Variants in STK32B observed in about 807,000 individuals in gnomAD.
STK32B encodes serine/threonine kinase 32B.
Under a neutral mutation model 52.6 loss-of-function variants are expected in STK32B, and 43 were observed. That is an observed-to-expected ratio of 0.82 (90% CI 0.64 to 1.05). The LOEUF (loss-of-function observed/expected upper bound fraction) is 1.05, where lower values mean the gene tolerates loss of function less well. Ranked by LOEUF, STK32B falls within the 50% of genes least tolerant of loss-of-function variation. The probability of loss-of-function intolerance (pLI) is 0.00; values close to 1 mark genes in which losing one functional copy is unlikely to be tolerated. For synonymous variants in STK32B, 238 were observed against 204.3 expected (o/e 1.17, Z -1.41); for missense variants, 621 against 534.6 (o/e 1.16, Z -1.59).
At chr4:5,264,676 G>A (rs376325596) in intron 3 of STK32B, among the ~76,000 whole-genome samples, 5 of 151,754 alleles carry the variant, frequency 3.3e-5, no homozygotes, top group Non-Finnish European at 5.9e-5. Flanking sequence ...AGTCCCAGCT[G>A]CTCGGGAGGC....
At chr4:5,151,901 G>C (rs975582175) in intron 2 of STK32B, among the ~76,000 whole-genome samples, 42 of 152,204 alleles carry the variant, frequency 2.8e-4, no homozygotes, top group African/African-American at 9.6e-4. Context: ...CCTTCCCCTT[G>C]GAGAACACCG....
intron 3 of STK32B, among the ~76,000 whole-genome samples, chr4:5,250,761 C>G (rs1016747010): frequency 1.3e-5 from 2 of 152,166 alleles, no homozygotes; most frequent in East Asian, 3.8e-4. Context: ...GCCATTCTGA[C>G]TGGTGTGAGA....
At chr4:5,212,668 A>G (rs1722973157) in intron 3 of STK32B, among the ~76,000 whole-genome samples, 1 of 152,228 alleles carries the variant, frequency 6.6e-6, no homozygotes, top group Middle Eastern at 3.2e-3. Context: ...CACATTTGTC[A>G]TCGTCCCTTA....
the STK32B span, among the ~76,000 whole-genome samples, chr4:5,041,405 C>T: frequency 1.1e-4 from 17 of 152,210 alleles, no homozygotes; most frequent in African/African-American, 3.4e-4. Context: ...AGCCTTCCTT[C>T]TGACCCAGCC....
intron 11 of STK32B, among the ~76,000 whole-genome samples, chr4:5,486,845 G>A (rs1175823870): frequency 1.3e-5 from 2 of 152,206 alleles, no homozygotes; most frequent in Non-Finnish European, 2.9e-5. Flanking sequence ...CAAAGAGAAG[G>A]TTAGAGGTTT....
intron 2 of STK32B, among the ~76,000 whole-genome samples, chr4:5,164,656 G>T (rs1718731503): frequency 6.6e-6 from 1 of 152,156 alleles, no homozygotes; most frequent in African/African-American, 2.4e-5. Context: ...GCTTTACACT[G>T]TATTATCACA....
At chr4:5,121,891 G>A (rs1715043948) in intron 1 of STK32B, among the ~76,000 whole-genome samples, 1 of 152,196 alleles carries the variant, frequency 6.6e-6, no homozygotes, top group African/African-American at 2.4e-5. Flanking sequence ...AGCCACAAGT[G>A]AGGGGCCAGA....
intron 1 of STK32B, among the ~76,000 whole-genome samples, chr4:5,139,225 T>C (rs1000291084): frequency 6.6e-6 from 1 of 152,026 alleles, no homozygotes; most frequent in Non-Finnish European, 1.5e-5. Flanking sequence ...GAGTCCCAGG[T>C]TTTGCACATA....
At chr4:5,331,584 T>TCCTATA (rs1375339533) in intron 4 of STK32B, among the ~76,000 whole-genome samples, 191 bp downstream of exon 4, 3 of 152,170 alleles carry the variant, frequency 2.0e-5, no homozygotes, top group Non-Finnish European at 4.4e-5. Flanking sequence ...ACATCTCCCA[T>TCCTATA]CCTATACCCG....
In STK32B at chr4:5,235,830, G is replaced by A. The variant is rs189704402; in HGVS notation, c.260+67380G>A. ...ACTTTCTCCTCCTGAAAGTGGGGAT[G>A]CAGAAGTGAGGACAGAGAAGCCTGT... On this transcript the variant is annotated intron_variant, in intron 3 of 11. Transcript: ENST00000282908. 1.2e-4 allele frequency among the ~76,000 whole-genome samples: 18 copies of A among 152,346 alleles called. No individual in the cohort carries two copies. In the East Asian group the frequency reaches 3.1e-3, roughly 26 times the overall value.
intron 3 of STK32B, among the ~76,000 whole-genome samples, chr4:5,183,155 C>T (rs1720484692): frequency 6.6e-6 from 1 of 152,232 alleles, no homozygotes; most frequent in Middle Eastern, 3.4e-3. Flanking sequence ...TAGCCCCTAG[C>T]AAGAGTCGGC....
chr4:5,362,348 A>T (rs750651321), intron 4 of STK32B, among the ~76,000 whole-genome samples: 3 of 152,146 alleles, frequency 2.0e-5, no homozygotes, highest in African/African-American at 4.8e-5. Context: ...TTCCTCTCCC[A>T]TTCCAACATC....
the STK32B span, among the ~76,000 whole-genome samples, chr4:5,040,994 G>A: frequency 5.4e-4 from 82 of 152,240 alleles, no homozygotes; most frequent in African/African-American, 1.6e-3. Context: ...TTGGGTGTGC[G>A]GCCCATCCTT....
intron 3 of STK32B, among the ~76,000 whole-genome samples, chr4:5,306,909 T>C (rs181818307): frequency 6.6e-6 from 1 of 152,296 alleles, no homozygotes; most frequent in East Asian, 1.9e-4. Flanking sequence ...TTAGTTTTCC[T>C]GCACACAAAA....
At chr4:5,060,576 C>T (rs1390536577) in intron 1 of STK32B, among the ~76,000 whole-genome samples, 1 of 141,940 alleles carries the variant, frequency 7.0e-6, no homozygotes, top group Non-Finnish European at 1.6e-5. Flanking sequence ...TGAGATGGAG[C>T]CTTAGATCAT....
chr4:5,344,879 A>G (rs372949883), intron 4 of STK32B, among the ~76,000 whole-genome samples: 6 of 151,960 alleles, frequency 3.9e-5, no homozygotes, highest in African/African-American at 1.5e-4. Context: ...TCAAGCCCAA[A>G]AGTTCAAGAC....
At chr4:5,170,293 C>CT (rs1368743230) in intron 3 of STK32B, among the ~76,000 whole-genome samples, 3 of 151,638 alleles carry the variant, frequency 2.0e-5, no homozygotes, top group Non-Finnish European at 4.4e-5. Context: ...ACTTAGGCAC[C>CT]TTTTTTTATT....
intron 1 of STK32B, among the ~76,000 whole-genome samples, chr4:5,061,642 A>G (rs1742222019): frequency 6.6e-6 from 1 of 152,212 alleles, no homozygotes; most frequent in Non-Finnish European, 1.5e-5. Flanking sequence ...GCTATAGGTG[A>G]TAGGAATCAT....
At chr4:5,333,198 T>A (rs1393683982) in intron 4 of STK32B, among the ~76,000 whole-genome samples, 2 of 152,178 alleles carry the variant, frequency 1.3e-5, no homozygotes, top group South Asian at 4.1e-4. Flanking sequence ...CTAACTGGTG[T>A]GAGATGGTAT....
Sources: allele counts gnomAD v4.1 joint callset (sites outside exome capture counted in the v4.1 genomes callset), GRCh38; gene constraint gnomAD v4.1.1; transcripts MANE v1.5; gene names NCBI Gene and HGNC (gene_info 2026-07-23, HGNC 2026-07-21).